FER: variants seen among roughly 807,000 people sequenced by gnomAD.
The protein encoded by FER is tyrosine-protein kinase Fer.
A neutral mutation model predicts 111.0 loss-of-function variants in FER; 63 were observed. The ratio of observed to expected loss-of-function variants is 0.57; its 90% CI spans 0.46 to 0.70. FER has a LOEUF of 0.70. FER is among the 30% of genes least tolerant of loss of function. The pLI, the probability that FER is intolerant of heterozygous loss-of-function variation, is 0.00. For missense variants in FER, 914 were observed against 954.0 expected (o/e 0.96, Z 0.55); for synonymous variants, 327 against 313.9 (o/e 1.04, Z -0.44).
intron 6 of FER, among the ~76,000 whole-genome samples, chr5:108,868,637 A>T (rs995288613): frequency 6.6e-6 from 1 of 152,072 alleles, no homozygotes; most frequent in Non-Finnish European, 1.5e-5. Flanking sequence ...GAATTCTTCA[A>T]TGTTAGAGTT....
chr5:109,117,965 T>G (rs890797614), intron 17 of FER, among the ~76,000 whole-genome samples: 2 of 152,070 alleles, frequency 1.3e-5, no homozygotes, highest in African/African-American at 2.4e-5. Flanking sequence ...TAGGGACAAT[T>G]TGACTTCCTC....
intron 16 of FER, among the ~76,000 whole-genome samples, chr5:109,091,551 C>T (rs1281932000): frequency 6.6e-6 from 1 of 152,152 alleles, no homozygotes; most frequent in Admixed American, 6.5e-5. Flanking sequence ...GCCTAGCAGT[C>T]AGGGGCTCAG....
intron 6 of FER, among the ~76,000 whole-genome samples, chr5:108,870,975 G>A (rs1368694639): frequency 1.3e-5 from 2 of 152,096 alleles, no homozygotes; most frequent in African/African-American, 2.4e-5. Context: ...ATGTGAGGAA[G>A]TAACAGACAC....
At chr5:108,952,745 T>C (rs747934465) in intron 11 of FER, among the ~76,000 whole-genome samples, 2 of 152,084 alleles carry the variant, frequency 1.3e-5, no homozygotes, top group Admixed American at 6.6e-5. Flanking sequence ...TTAAATAAAT[T>C]TCTTGGAATG....
chr5:108,845,355 A>G (rs1309602170), intron 5 of FER, among the ~76,000 whole-genome samples: 1 of 150,160 alleles, frequency 6.7e-6, no homozygotes, highest in Non-Finnish European at 1.5e-5. Context: ...GTGTATATAT[A>G]TTTTTCCAGT....
intron 16 of FER, among the ~76,000 whole-genome samples, chr5:109,073,886 T>C (rs1178893280): frequency 6.6e-6 from 1 of 152,188 alleles, no homozygotes. Context: ...ATTGTTAAAC[T>C]CTTAATAATA....
At chr5:109,079,784 C>T (rs1221333813) in intron 16 of FER, among the ~76,000 whole-genome samples, 1 of 152,046 alleles carries the variant, frequency 6.6e-6, no homozygotes, top group Non-Finnish European at 1.5e-5. Context: ...TTAGACCTTT[C>T]CCTGCTTAAA....
chr5:109,102,713 A>G (rs1027805977), intron 17 of FER, among the ~76,000 whole-genome samples: 2 of 152,178 alleles, frequency 1.3e-5, no homozygotes, highest in African/African-American at 4.8e-5. Context: ...TGAGTGCTAG[A>G]TGAATTTTAT....
chr5:109,037,596 C>T, intron 14 of FER, 118 bp downstream of exon 14: 2 of 695,118 alleles, frequency 2.9e-6, no homozygotes, highest in Non-Finnish European at 5.0e-6. Flanking sequence ...TACACATTAA[C>T]TAGAACACAA....
intron 10 of FER, chr5:108,924,724 T>A: frequency 8.1e-7 from 1 of 1,232,094 alleles, no homozygotes; most frequent in Non-Finnish European, 1.0e-6. Context: ...CGGCTCCCAA[T>A]CCTGTAAAAC....
At chr5:108,874,481 G>A (rs1764894411) in intron 8 of FER, among the ~76,000 whole-genome samples, 1 of 152,080 alleles carries the variant, frequency 6.6e-6, no homozygotes, top group Admixed American at 6.6e-5. Flanking sequence ...TTTAAGATTA[G>A]GGGTTTCTTC....
chr5:108,892,697 T>A (rs1404374564), intron 9 of FER, among the ~76,000 whole-genome samples: 1 of 152,240 alleles, frequency 6.6e-6, no homozygotes, highest in Non-Finnish European at 1.5e-5. Flanking sequence ...CAATTTTGGC[T>A]TTTGTTGCCA....
intron 5 of FER, among the ~76,000 whole-genome samples, chr5:108,854,903 C>A (rs1762848327): frequency 6.9e-6 from 1 of 144,182 alleles, no homozygotes; most frequent in South Asian, 2.2e-4. Flanking sequence ...AGATTGCCCC[C>A]ACTGCACTCC....
intron 13 of FER, among the ~76,000 whole-genome samples, chr5:108,973,705 T>C (rs1196427031): frequency 6.6e-6 from 1 of 152,160 alleles, no homozygotes; most frequent in Non-Finnish European, 1.5e-5. Flanking sequence ...AGGATCCTCA[T>C]CTTCACACCA....
intron 13 of FER, among the ~76,000 whole-genome samples, chr5:109,028,582 G>A (rs1051760284): frequency 6.6e-6 from 1 of 152,172 alleles, no homozygotes; most frequent in Non-Finnish European, 1.5e-5. Context: ...TGCTGTCAGA[G>A]TAGCCTGTCT....
intron 17 of FER, among the ~76,000 whole-genome samples, chr5:109,147,841 A>G (rs1276494902): frequency 1.3e-5 from 2 of 151,518 alleles, no homozygotes. Flanking sequence ...AGACAGAGAA[A>G]TACTAGTGAA....
At chr5:108,992,945 G>C (rs1763440765) in intron 13 of FER, among the ~76,000 whole-genome samples, 1 of 151,572 alleles carries the variant, frequency 6.6e-6, no homozygotes, top group Non-Finnish European at 1.5e-5. Flanking sequence ...ACGATGGGCG[G>C]CCGGGCAGAG....
At chr5:108,757,137 T>G (rs981972866) in intron 1 of FER, among the ~76,000 whole-genome samples, 1 of 152,204 alleles carries the variant, frequency 6.6e-6, no homozygotes, top group African/African-American at 2.4e-5. Context: ...GGTAAAAGTC[T>G]GTAGTAAACT....
chr5:109,052,783 A>G (rs756226289), intron 16 of FER, among the ~76,000 whole-genome samples: 37 of 152,230 alleles, frequency 2.4e-4, no homozygotes, highest in Non-Finnish European at 4.6e-4. Flanking sequence ...GGATCCAGGT[A>G]TTAGAGTAGG....
Sources: gnomAD v4.1 joint callset for allele counts (sites outside exome capture counted in the v4.1 genomes callset) on GRCh38, gnomAD v4.1.1 for gene constraint, MANE v1.5 for transcripts, NCBI Gene and HGNC (gene_info 2026-07-23, HGNC 2026-07-21) for gene names.